SLC4A5: variants seen among roughly 807,000 people sequenced by gnomAD.
SLC4A5 encodes solute carrier family 4 member 5, also known as electrogenic sodium bicarbonate cotransporter 4.
In SLC4A5, 96 loss-of-function variants were observed where a neutral mutation model predicts 120.4. The ratio of observed to expected loss-of-function variants is 0.80; its 90% CI spans 0.68 to 0.94. The LOEUF (loss-of-function observed/expected upper bound fraction) is 0.94, where lower values mean the gene tolerates loss of function less well. Among genes scored for constraint, SLC4A5 ranks in the 40% least tolerant of loss-of-function variants. The probability of loss-of-function intolerance (pLI) is 0.00; values close to 1 mark genes in which losing one functional copy is unlikely to be tolerated. For synonymous variants in SLC4A5, 550 were observed against 571.1 expected (o/e 0.96, Z 0.53); for missense variants, 1,259 against 1,459.5 (o/e 0.86, Z 2.24).
chr2:74,285,847 G>T, exon 8 of SLC4A5: 1 of 1,612,782 alleles, frequency 6.2e-7, no homozygotes. Flanking sequence ...GGGTGGGGTT[G>T]GGAGCCTCAT....
intron 5 of SLC4A5, among the ~76,000 whole-genome samples, chr2:74,323,045 C>T (rs1221296969): frequency 6.6e-6 from 1 of 152,242 alleles, no homozygotes; most frequent in African/African-American, 2.4e-5. Context: ...TCAAGACCAG[C>T]CTGGCCAACA....
intron 26 of SLC4A5, 166 bp downstream of exon 26, chr2:74,227,644 G>T: frequency 8.0e-7 from 1 of 1,245,272 alleles, no homozygotes; most frequent in Non-Finnish European, 1.1e-6. Flanking sequence ...TATTTATTTT[G>T]CCTGATAGCA....
At chr2:74,330,684 T>G (rs113812379) in intron 4 of SLC4A5, among the ~76,000 whole-genome samples, 64 of 135,700 alleles carry the variant, frequency 4.7e-4, no homozygotes, top group Middle Eastern at 0.012. Flanking sequence ...GGTGTGTGGT[T>G]TAGGTGTAGG....
intron 7 of SLC4A5, among the ~76,000 whole-genome samples, chr2:74,292,226 T>C (rs1362963326): frequency 6.6e-6 from 1 of 152,204 alleles, no homozygotes; most frequent in Non-Finnish European, 1.5e-5. Context: ...CTATTATTGT[T>C]GATGCCAGCA....
chr2:74,219,208 TGTGTG>T (rs1694542135), intron 30 of SLC4A5, among the ~76,000 whole-genome samples: 1 of 118,662 alleles, frequency 8.4e-6, no homozygotes, highest in African/African-American at 5.1e-5. Context: ...TGTGTGTGTG[TGTGTG>T]TGTGTGTTTG....
intron 5 of SLC4A5, among the ~76,000 whole-genome samples, chr2:74,327,868 T>C (rs1170430732): frequency 1.3e-5 from 2 of 152,202 alleles, no homozygotes; most frequent in Non-Finnish European, 2.9e-5. Context: ...AAGTTTCCTG[T>C]CATTTCTGTT....
At position 74,332,598 on chromosome 2, in the gene SLC4A5, G is replaced by A. The variant is rs182941874; in HGVS notation, c.-70+1429C>T. Among the ~76,000 whole-genome samples, 12 of 151,980 alleles carry A rather than the reference G, an allele frequency of 7.9e-5. No individual in the cohort carries two copies. In the East Asian group the frequency reaches 9.7e-4, roughly 12 times the overall value. ...TCTCTTGGGCAAAATCAGTCCATTC[G>A]TTAACTTTTTCCTCCTGCACAAAGT... On this transcript the variant is annotated intron_variant, in intron 4 of 30. Coordinates refer to ENST00000394019, the Ensembl canonical transcript of SLC4A5.
chr2:74,254,711 AAAG>A lies in SLC4A5; in HGVS notation c.1026-8_1026-6del, dbSNP rs1558880306. 1.2e-6 allele frequency: 2 copies of A among 1,604,368 alleles called. No individual in the cohort carries two copies. The highest frequency in any genetic ancestry group is 1.7e-6 in the Non-Finnish European group (2 of 1,171,276). ...CCCAGTAGTATAAACAGAAATCTGC[AAAG>A]AAGATGGAGGAGGAGACAGAGAAGA... On this transcript the variant is annotated splice_polypyrimidine_tract_variant and splice_region_variant and intron_variant, in intron 13 of 30. Coordinates refer to ENST00000394019, the Ensembl canonical transcript of SLC4A5.
intron 3 of SLC4A5, among the ~76,000 whole-genome samples, chr2:74,338,384 C>T (rs1252368958): frequency 1.3e-5 from 2 of 152,152 alleles, no homozygotes; most frequent in African/African-American, 4.8e-5. Context: ...CCATTTTTTA[C>T]CTTTCAGATC....
exon 16 of SLC4A5, chr2:74,252,333 C>A: frequency 6.2e-7 from 1 of 1,613,714 alleles, no homozygotes; most frequent in Non-Finnish European, 8.5e-7. Context: ...GCTCCGCCGC[C>A]TCCTCCCACA....
intron 19 of SLC4A5, among the ~76,000 whole-genome samples, chr2:74,243,596 G>C (rs569169128): frequency 1.3e-5 from 2 of 152,214 alleles, no homozygotes; most frequent in African/African-American, 4.8e-5. Context: ...GGGCAGGAAG[G>C]CTGGCTCAGG....
intron 6 of SLC4A5, among the ~76,000 whole-genome samples, chr2:74,308,254 C>T (rs1002110788): frequency 6.6e-6 from 1 of 152,164 alleles, no homozygotes; most frequent in Non-Finnish European, 1.5e-5. Flanking sequence ...GGAACATGAT[C>T]GCTGGTTCGG....
intron 9 of SLC4A5, among the ~76,000 whole-genome samples, 190 bp from the exon 10 acceptor site, chr2:74,264,489 CGTGTGTGTGT>C (rs59538523): frequency 1.4e-5 from 2 of 143,752 alleles, no homozygotes; most frequent in East Asian, 4.2e-4. Flanking sequence ...TTCAAGGGCA[CGTGTGTGTGT>C]GTGTGTGTGT....
At chr2:74,279,974 G>T (rs192141626) in intron 8 of SLC4A5, among the ~76,000 whole-genome samples, 11 of 152,032 alleles carry the variant, frequency 7.2e-5, no homozygotes, top group African/African-American at 2.4e-4. Flanking sequence ...GCCAAGTCTT[G>T]CCCCCTTTTA....
intron 12 of SLC4A5, among the ~76,000 whole-genome samples, chr2:74,257,211 T>A (rs756749073): frequency 4.4e-4 from 67 of 151,748 alleles, no homozygotes; most frequent in Middle Eastern, 3.4e-3. Context: ...TCGTGAGCAA[T>A]GGCACTACCC....
At chr2:74,267,987 T>TG (rs921410339) in intron 8 of SLC4A5, among the ~76,000 whole-genome samples, 3 of 143,348 alleles carry the variant, frequency 2.1e-5, no homozygotes, top group Non-Finnish European at 4.6e-5. Context: ...TCCGTCTACA[T>TG]TTTTTTTTTT....
intron 19 of SLC4A5, among the ~76,000 whole-genome samples, chr2:74,246,109 T>G (rs905178931): frequency 3.5e-4 from 54 of 152,334 alleles, no homozygotes; most frequent in African/African-American, 1.2e-3. Flanking sequence ...CTTAGGGGCA[T>G]GATCATGACT....
intron 12 of SLC4A5, among the ~76,000 whole-genome samples, chr2:74,257,153 G>T (rs1670993270): frequency 6.6e-6 from 1 of 152,060 alleles, no homozygotes; most frequent in Non-Finnish European, 1.5e-5. Context: ...ACTCATGTGG[G>T]GGCATCATAC....
At chr2:74,277,069 G>A (rs1359264343) in intron 8 of SLC4A5, among the ~76,000 whole-genome samples, 2 of 152,158 alleles carry the variant, frequency 1.3e-5, no homozygotes, top group African/African-American at 4.8e-5. Context: ...TCCCAGTGAT[G>A]CTCCCTCCAT....
Sources: gnomAD v4.1 joint callset for allele counts (sites outside exome capture counted in the v4.1 genomes callset) on GRCh38, gnomAD v4.1.1 for gene constraint, MANE v1.5 for transcripts, NCBI Gene and HGNC (gene_info 2026-07-23, HGNC 2026-07-21) for gene names.